PDE3A: variants seen among roughly 807,000 people sequenced by gnomAD.
PDE3A encodes the protein cGMP-inhibited 3',5'-cyclic phosphodiesterase 3A.
In PDE3A, 43 loss-of-function variants were observed where a neutral mutation model predicts 98.3. The ratio of observed to expected loss-of-function variants is 0.44; its 90% CI spans 0.34 to 0.56. The LOEUF (loss-of-function observed/expected upper bound fraction) is 0.56. Among genes scored for constraint, PDE3A ranks in the 20% least tolerant of loss-of-function variants. PDE3A has a pLI of 0.01. For synonymous variants in PDE3A, 663 were observed against 567.9 expected, an observed-to-expected ratio of 1.17 and a Z score of -2.38; for missense variants, 1,427 against 1,440.7, an observed-to-expected ratio of 0.99 and a Z score of 0.15.
At chr12:20,555,732 G>T (rs1172399379) in intron 1 of PDE3A, among the ~76,000 whole-genome samples, 1 of 152,148 alleles carries the variant, frequency 6.6e-6, no homozygotes, top group Non-Finnish European at 1.5e-5. Flanking sequence ...CAGTAGCACT[G>T]TATGTCTTCA....
intron 1 of PDE3A, among the ~76,000 whole-genome samples, chr12:20,518,289 A>G (rs1946358919): frequency 6.6e-6 from 1 of 152,172 alleles, no homozygotes; most frequent in African/African-American, 2.4e-5. Context: ...ACTAAGAATC[A>G]GTTCTGTTTT....
chr12:20,474,571 T>G (rs1346188134), intron 1 of PDE3A, among the ~76,000 whole-genome samples: 1 of 152,236 alleles, frequency 6.6e-6, no homozygotes, highest in African/African-American at 2.4e-5. Context: ...GATCAAGGTT[T>G]CAGCAGAGGC....
intron 1 of PDE3A, among the ~76,000 whole-genome samples, chr12:20,435,396 C>G (rs1944763487): frequency 6.6e-6 from 1 of 152,124 alleles, no homozygotes; most frequent in Non-Finnish European, 1.5e-5. Flanking sequence ...AAAAAATCAT[C>G]TAAGGTGCAG....
intron 2 of PDE3A, among the ~76,000 whole-genome samples, chr12:20,592,267 C>G (rs906463020): frequency 1.3e-5 from 2 of 152,050 alleles, no homozygotes; most frequent in Non-Finnish European, 2.9e-5. Context: ...GTACTAATTA[C>G]AGTGGAAAGG....
chr12:20,603,891 C>G (rs1430964636), intron 2 of PDE3A, among the ~76,000 whole-genome samples: 1 of 152,168 alleles, frequency 6.6e-6, no homozygotes, highest in Non-Finnish European at 1.5e-5. Context: ...ATAAAATGAG[C>G]CAGGCATGGT....
intron 1 of PDE3A, among the ~76,000 whole-genome samples, chr12:20,497,529 TA>T (rs368630383): frequency 0.023 from 3,207 of 139,676 alleles, 64 homozygotes; most frequent in Middle Eastern, 0.13. Context: ...AATTGTGCCC[TA>T]AAAAAAAAAA....
intron 1 of PDE3A, among the ~76,000 whole-genome samples, chr12:20,545,790 A>AC (rs398018735): frequency 1.6e-5 from 2 of 124,298 alleles, no homozygotes; most frequent in Non-Finnish European, 3.8e-5. Flanking sequence ...AAAAAAAAAA[A>AC]CAAAACAAAA....
In PDE3A at chr12:20,571,944, G is replaced by T. The variant is rs1395149559; in HGVS notation, c.1011+15234G>T. 2.8e-6 allele frequency: 3 copies of T among 1,057,160 alleles called. No individual in the cohort carries two copies. In the East Asian group the frequency reaches 2.9e-4, roughly 102 times the overall value. 65.5% of individuals were successfully genotyped at this position (1,057,160 alleles called of 1,614,324 possible). ...AATGAATGAGAGTGGGGCATAAAAT[G>T]GGAAATTTGAGCACACAGAACTTTC... On this transcript the variant is annotated intron_variant, in intron 2 of 15. Transcript: ENST00000359062.
intron 1 of PDE3A, among the ~76,000 whole-genome samples, chr12:20,391,417 T>C (rs965420672): frequency 1.3e-5 from 2 of 148,490 alleles, no homozygotes; most frequent in African/African-American, 2.5e-5. Context: ...ATTATACATA[T>C]ATATATATAT....
intron 1 of PDE3A, among the ~76,000 whole-genome samples, chr12:20,454,805 A>AT (rs1326209042): frequency 9.9e-5 from 15 of 152,016 alleles, no homozygotes; most frequent in African/African-American, 2.2e-4. Flanking sequence ...ACATGATCTC[A>AT]TTTTTTTTAT....
chr12:20,571,066 G>GGAT (rs547321760), intron 2 of PDE3A, among the ~76,000 whole-genome samples: 277 of 152,270 alleles, frequency 1.8e-3, no homozygotes, highest in African/African-American at 6.3e-3. Context: ...GTGTCAGTAT[G>GGAT]GATGATGATT....
At chr12:20,502,164 C>T (rs891502141) in intron 1 of PDE3A, among the ~76,000 whole-genome samples, 2 of 152,088 alleles carry the variant, frequency 1.3e-5, no homozygotes, top group Admixed American at 6.6e-5. Context: ...TATTAAATCA[C>T]GTGACTGACT....
intron 1 of PDE3A, among the ~76,000 whole-genome samples, chr12:20,390,398 T>C (rs2120603779): frequency 6.7e-6 from 1 of 148,952 alleles, no homozygotes; most frequent in East Asian, 2.1e-4. Context: ...GTGAAAGTCC[T>C]GGGTAGAGAC....
intron 10 of PDE3A, among the ~76,000 whole-genome samples, chr12:20,646,274 C>A (rs1255147602): frequency 2.6e-5 from 4 of 152,108 alleles, no homozygotes; most frequent in Non-Finnish European, 5.9e-5. Flanking sequence ...TACCTGCATG[C>A]ATAATAAATG....
intron 2 of PDE3A, among the ~76,000 whole-genome samples, chr12:20,581,758 G>A (rs1385721853): frequency 6.6e-6 from 1 of 150,418 alleles, no homozygotes; most frequent in Non-Finnish European, 1.5e-5. Context: ...GACTACAGGC[G>A]CCCGCCACTA....
intron 2 of PDE3A, among the ~76,000 whole-genome samples, chr12:20,558,691 A>AAATAATAATAATAATAAT (rs66996145): frequency 6.2e-4 from 92 of 147,844 alleles, no homozygotes; most frequent in Admixed American, 2.2e-3. Flanking sequence ...CCTGCTGACG[A>AAATAATAATAATAATAAT]AATAATAATA....
intron 1 of PDE3A, among the ~76,000 whole-genome samples, chr12:20,442,292 T>C (rs545998745): frequency 1.4e-4 from 21 of 152,348 alleles, no homozygotes; most frequent in Admixed American, 1.2e-3. Context: ...GGCTAAGCTA[T>C]CTTGCAGTAA....
chr12:20,583,865 A>G (rs986695775), intron 2 of PDE3A, among the ~76,000 whole-genome samples: 1 of 152,240 alleles, frequency 6.6e-6, no homozygotes, highest in Non-Finnish European at 1.5e-5. Context: ...GATGTGAAAT[A>G]TGTGTTAATT....
At chr12:20,645,069 G>A (rs11045362) in intron 10 of PDE3A, among the ~76,000 whole-genome samples, 148,022 of 151,834 alleles carry the variant, frequency 0.97, 72,270 homozygotes, top group East Asian at 1. Context: ...TTGTATTTTT[G>A]GTATAGACGG....
Sources: gnomAD v4.1 joint callset for allele counts (sites outside exome capture counted in the v4.1 genomes callset) on GRCh38, gnomAD v4.1.1 for gene constraint, MANE v1.5 for transcripts, NCBI Gene and HGNC (gene_info 2026-07-23, HGNC 2026-07-21) for gene names.